Variants in PAAF1 observed in about 807,000 individuals in gnomAD.
PAAF1 encodes proteasomal ATPase associated factor 1, also known as proteasomal ATPase-associated factor 1.
A neutral mutation model predicts 52.8 loss-of-function variants in PAAF1; 46 were observed. That is an observed-to-expected ratio of 0.87 (90% confidence interval 0.69 to 1.11). The LOEUF is 1.11. Ranked by LOEUF, PAAF1 falls within the 50% of genes most tolerant of loss-of-function variation. The pLI is 0.00. For missense variants in PAAF1, 424 were observed against 477.4 expected (o/e 0.89, Z 1.04); for synonymous variants, 178 against 172.8 (o/e 1.03, Z -0.24).
chr11:73,878,517 T>G (rs1296199766), intron 1 of PAAF1, among the ~76,000 whole-genome samples: 1 of 152,246 alleles, frequency 6.6e-6, no homozygotes, highest in Admixed American at 6.5e-5. Flanking sequence ...CCTTGATTTT[T>G]CAAAGTGAGC....
chr11:73,902,142 A>C (rs899516180), intron 6 of PAAF1, among the ~76,000 whole-genome samples: 1 of 152,222 alleles, frequency 6.6e-6, no homozygotes, highest in Non-Finnish European at 1.5e-5. Flanking sequence ...GATTACAGGT[A>C]TGAGCCACTG....
chr11:73,896,666 G>C (rs376697233), intron 4 of PAAF1, among the ~76,000 whole-genome samples: 2 of 152,108 alleles, frequency 1.3e-5, no homozygotes, highest in African/African-American at 2.4e-5. Flanking sequence ...TTCTTAGTAC[G>C]GAACAAAATG....
chr11:73,899,952 C>T (rs979006733), intron 5 of PAAF1, among the ~76,000 whole-genome samples: 1 of 152,052 alleles, frequency 6.6e-6, no homozygotes, highest in African/African-American at 2.4e-5. Flanking sequence ...CCCCAAGCCA[C>T]CTCAGCTCTT....
chr11:73,879,960 C>G (rs116700386), intron 2 of PAAF1: 4,668 of 151,680 alleles, frequency 0.031, 79 homozygotes, highest in Middle Eastern at 0.048. Context: ...AAAAATAAGG[C>G]CAGACGTGGG....
chr11:73,906,773 G>GT (rs1388220995), intron 6 of PAAF1, among the ~76,000 whole-genome samples: 1 of 152,168 alleles, frequency 6.6e-6, no homozygotes, highest in Non-Finnish European at 1.5e-5. Flanking sequence ...GCACTTGTAC[G>GT]TTACGCTGAG....
chr11:73,915,110 C>G (rs1209912021), intron 8 of PAAF1, among the ~76,000 whole-genome samples: 1 of 152,150 alleles, frequency 6.6e-6, no homozygotes, highest in Admixed American at 6.5e-5. Flanking sequence ...AGTTACTTAA[C>G]CTCTCTGAGC....
intron 4 of PAAF1, among the ~76,000 whole-genome samples, chr11:73,898,650 C>G (rs751226382): frequency 2.6e-5 from 4 of 152,124 alleles, no homozygotes; most frequent in African/African-American, 4.8e-5. Flanking sequence ...AACTCTGTCT[C>G]TACCGAAAAA....
Position 73,887,589 on chromosome 11 carries a change from TGTGA to T in PAAF1, c.192+136_192+139del, listed in dbSNP as rs1360521160. On this transcript the variant is annotated intron_variant, in intron 3 of 11. Transcript: ENST00000310571. Reference sequence around the variant, plus strand: ...TATGAGAATCATAGTTTTTGCTGTCTGTGAGTGTCATTGGTATTTTCTATTGTAG... The same window carrying T: ...TATGAGAATCATAGTTTTTGCTGTCTGTGTCATTGGTATTTTCTATTGTAG... 9.1e-6 allele frequency: 5 copies of T among 549,050 alleles called. No homozygotes were observed. In the South Asian group the frequency reaches 9.4e-5, roughly 10 times the overall value. The allele number at this position is 549,050 out of a possible 1,614,324, so 34.0% of individuals were successfully genotyped here.
At chr11:73,901,088 G>A (rs894568851) in intron 6 of PAAF1, among the ~76,000 whole-genome samples, 20 of 128,632 alleles carry the variant, frequency 1.6e-4, no homozygotes, top group African/African-American at 5.2e-4. Flanking sequence ...CTGGGAAATA[G>A]AGAGAGAGAG....
At chr11:73,896,147 A>G (rs1247759118) in intron 4 of PAAF1, among the ~76,000 whole-genome samples, 1 of 152,086 alleles carries the variant, frequency 6.6e-6, no homozygotes, top group Non-Finnish European at 1.5e-5. Context: ...AGTTTGGAAA[A>G]CAAAAAGTGA....
At chr11:73,915,153 G>A (rs1198884282) in intron 8 of PAAF1, among the ~76,000 whole-genome samples, 1 of 152,142 alleles carries the variant, frequency 6.6e-6, no homozygotes, top group Non-Finnish European at 1.5e-5. Context: ...GTCATAATAG[G>A]GTATGTGATG....
chr11:73,926,718 A>G (rs568302115), intron 11 of PAAF1, among the ~76,000 whole-genome samples: 1 of 152,284 alleles, frequency 6.6e-6, no homozygotes, highest in East Asian at 1.9e-4. Flanking sequence ...CAAAAAACAA[A>G]CAAACAAAAT....
chr11:73,918,115 C>T (rs952382161), intron 9 of PAAF1, among the ~76,000 whole-genome samples: 5 of 152,072 alleles, frequency 3.3e-5, no homozygotes, highest in African/African-American at 4.8e-5. Flanking sequence ...GAGCTGGCCT[C>T]GGTAGAATCC....
Position 73,927,461 on chromosome 11 carries a change from T to C in PAAF1, c.*99T>C, listed in dbSNP as rs929102031. The C allele has an allele frequency of 1.0e-6, 1 of 1,001,572 alleles. No individual in the cohort carries two copies. Among genetic ancestry groups the C allele is most frequent in the African/African-American group, 1.6e-5 (1 of 62,724 alleles). 62.0% of individuals were successfully genotyped at this position (1,001,572 alleles called of 1,614,324 possible). Reference sequence around the variant, plus strand: ...CCTTCCCAAGGACCATGGCGTTTAATGTCTTGGGCACCCCTTGGAAATCAC... The same window carrying C: ...CCTTCCCAAGGACCATGGCGTTTAACGTCTTGGGCACCCCTTGGAAATCAC... On this transcript the variant is annotated 3_prime_UTR_variant, in exon 12 of 12. Coordinates refer to ENST00000310571, the MANE Select transcript of PAAF1 (RefSeq NM_025155.3).
At chr11:73,925,462 T>A (rs551953285) in intron 11 of PAAF1, among the ~76,000 whole-genome samples, 1,891 of 141,378 alleles carry the variant, frequency 0.013, 39 homozygotes, top group African/African-American at 0.051. Context: ...TGAGACCCTG[T>A]CTCAAAAAAA....
intron 6 of PAAF1, among the ~76,000 whole-genome samples, chr11:73,906,346 G>A (rs551200651): frequency 1.1e-3 from 166 of 152,184 alleles, no homozygotes; most frequent in Middle Eastern, 3.4e-3. Context: ...TCTGCCTCTC[G>A]GGTTCAAGTG....
intron 2 of PAAF1, among the ~76,000 whole-genome samples, chr11:73,885,834 C>T (rs977124022): frequency 6.3e-5 from 9 of 143,746 alleles, no homozygotes; most frequent in African/African-American, 8.0e-5. Context: ...AAGAGTGAAA[C>T]TCCATCTCAA....
intron 4 of PAAF1, among the ~76,000 whole-genome samples, chr11:73,893,440 TTTA>T (rs1949250966): frequency 6.6e-6 from 1 of 152,000 alleles, no homozygotes; most frequent in Admixed American, 6.6e-5. Flanking sequence ...AAAGCAGTTA[TTTA>T]TTTGAAAACT....
intron 6 of PAAF1, among the ~76,000 whole-genome samples, chr11:73,904,970 C>T (rs1204545333): frequency 6.6e-6 from 1 of 152,042 alleles, no homozygotes; most frequent in Non-Finnish European, 1.5e-5. Context: ...AAGCCTTTTC[C>T]AGCTGGGTGC....
Sources: gnomAD v4.1 joint callset for allele counts (sites outside exome capture counted in the v4.1 genomes callset) on GRCh38, gnomAD v4.1.1 for gene constraint, MANE v1.5 for transcripts, NCBI Gene and HGNC (gene_info 2026-07-23, HGNC 2026-07-21) for gene names.